ETHE1: variants seen among roughly 807,000 people sequenced by gnomAD.
ETHE1 encodes persulfide dioxygenase ETHE1, mitochondrial.
Under a neutral mutation model 25.7 loss-of-function variants are expected in ETHE1, and 16 were observed. The observed-to-expected ratio is 0.62, with a 90% CI of 0.42 to 0.95. ETHE1 has a LOEUF of 0.95. ETHE1 is among the 40% of genes least tolerant of loss of function. The pLI, the probability that ETHE1 is intolerant of heterozygous loss-of-function variation, is 0.00. For synonymous variants in ETHE1, 139 were observed against 135.9 expected (o/e 1.02, Z -0.16); for missense variants, 300 against 333.6 (o/e 0.90, Z 0.79).
At chr19:43,513,757 T>C (rs1244801618) in intron 3 of ETHE1, among the ~76,000 whole-genome samples, 1 of 151,206 alleles carries the variant, frequency 6.6e-6, no homozygotes, top group Non-Finnish European at 1.5e-5. Flanking sequence ...AATCTCACTC[T>C]GTCACCCAGG....
Position 43,506,821 on chromosome 19 carries a change from G to A in ETHE1, c.*29C>T. On this transcript the variant is annotated 3_prime_UTR_variant, in exon 7 of 7. Coordinates refer to ENST00000292147, the MANE Select transcript of ETHE1 (RefSeq NM_014297.5). ...TCTCCTCCCACCTAGTGCATTAATAGTGGATGGGAGCATCTGACAGAAGTG... is the reference window on the plus strand; with the variant it reads ...TCTCCTCCCACCTAGTGCATTAATAATGGATGGGAGCATCTGACAGAAGTG... 1 of 1,605,522 alleles carries A rather than the reference G, an allele frequency of 6.2e-7. No homozygotes were observed. The highest frequency in any genetic ancestry group is 8.5e-7 in the Non-Finnish European group (1 of 1,173,082).
chr19:43,518,246 G>A (rs983342654), intron 3 of ETHE1, among the ~76,000 whole-genome samples: 11 of 151,964 alleles, frequency 7.2e-5, no homozygotes, highest in Admixed American at 1.3e-4. Flanking sequence ...GCTGGGCACC[G>A]TGGCTCACAC....
intron 4 of ETHE1, 139 bp downstream of exon 4, chr19:43,511,298 G>A (rs1971909791): frequency 1.5e-6 from 2 of 1,334,772 alleles, no homozygotes; most frequent in Non-Finnish European, 1.0e-6. Flanking sequence ...CACTGTTCTA[G>A]CAGGTAAACT....
chr19:43,525,801 T>C, intron 3 of ETHE1: 1 of 297,822 alleles, frequency 3.4e-6, no homozygotes, highest in East Asian at 9.2e-5. Context: ...CTCCGGGTTC[T>C]AAGCACCCAG....
chr19:43,525,646 C>G (rs1972227816), intron 3 of ETHE1: 1 of 160,948 alleles, frequency 6.2e-6, no homozygotes, highest in Admixed American at 5.9e-5. Flanking sequence ...AACGGCAGGG[C>G]TAGGACTAGG....
rs750511915 is a variant in ETHE1 at position 43,506,866 on chromosome 19, T to C, written c.749A>G (p.Gln250Arg). 1 of 1,613,572 alleles carries C rather than the reference T, an allele frequency of 6.2e-7. No individual in the cohort carries two copies. The highest frequency in any genetic ancestry group is 1.7e-5 in the Admixed American group (1 of 59,988). ...AVPANMRCGV[Q>R]TPTA ...GAAGTGAGATCAGGCAGTGGGTGTC[T>C]GCACCCCACAGCGCATGTTGGCTGG... is the stretch of plus-strand genomic sequence containing the variant. The change falls in exon 7 of 7, where the codon CAG becomes CGG. Residue 250 changes from glutamine (Q) to arginine (R), a missense_variant. Coordinates refer to ENST00000292147, the MANE Select transcript of ETHE1 (RefSeq NM_014297.5).
chr19:43,515,222 C>G (rs1005733830), intron 3 of ETHE1, among the ~76,000 whole-genome samples: 13 of 151,882 alleles, frequency 8.6e-5, no homozygotes, highest in Non-Finnish European at 1.9e-4. Context: ...TTCGAGACCA[C>G]CCCGGCCAAT....
chr19:43,510,758 C>T (rs914103671), intron 4 of ETHE1, among the ~76,000 whole-genome samples: 1 of 152,024 alleles, frequency 6.6e-6, no homozygotes, highest in African/African-American at 2.4e-5. Context: ...AACAGCTAAG[C>T]CCCTGAATCT....
At chr19:43,526,027 C>T in intron 3 of ETHE1, 174 bp downstream of exon 3, 1 of 890,182 alleles carries the variant, frequency 1.1e-6, no homozygotes, top group East Asian at 2.6e-5. Flanking sequence ...GCCCCAGTGC[C>T]CCACCTGGGT....
intron 3 of ETHE1, among the ~76,000 whole-genome samples, chr19:43,514,166 T>C (rs1233771248): frequency 6.6e-6 from 1 of 152,098 alleles, no homozygotes; most frequent in Non-Finnish European, 1.5e-5. Flanking sequence ...ATGGTTTGGC[T>C]GTGTCCCCAC....
intron 3 of ETHE1, among the ~76,000 whole-genome samples, chr19:43,524,464 G>A (rs983292781): frequency 2.6e-4 from 39 of 151,834 alleles, no homozygotes; most frequent in African/African-American, 8.7e-4. Context: ...GCTAAGGGGT[G>A]TGGGGTCTTT....
At chr19:43,512,496 AG>A (rs1366715030) in intron 3 of ETHE1, among the ~76,000 whole-genome samples, 1 of 152,180 alleles carries the variant, frequency 6.6e-6, no homozygotes, top group Admixed American at 6.5e-5. Context: ...CCTGCCCTAG[AG>A]ATCTGTGGAA....
At chr19:43,522,639 G>A (rs974256493) in intron 3 of ETHE1, among the ~76,000 whole-genome samples, 2 of 151,844 alleles carry the variant, frequency 1.3e-5, no homozygotes, top group African/African-American at 2.4e-5. Context: ...ACCCCACCAC[G>A]CCCAGCTTAT....
rs71336873 is a variant in ETHE1 at position 43,517,775 on chromosome 19, C to CA, written c.376-6210dup. ...TGGGTGACAGAGTGAGACTCCGCCTCAAAAAAAAAAAAAAAATTAGCCAAG... is the reference window on the plus strand; with the variant it reads ...TGGGTGACAGAGTGAGACTCCGCCTCAAAAAAAAAAAAAAAAATTAGCCAAG... On this transcript the variant is annotated intron_variant, in intron 3 of 6. Transcript: ENST00000292147. Among the ~76,000 whole-genome samples the CA allele has an allele frequency of 8.8e-3, 967 of 109,916 alleles. 6 individuals carry two copies. The highest frequency in any genetic ancestry group is 0.021 in the African/African-American group (621 of 29,094). 72.1% of individuals were successfully genotyped at this position (109,916 alleles called of 152,430 possible).
chr19:43,526,440 G>C, intron 2 of ETHE1, 75 bp downstream of exon 2: 2 of 1,602,014 alleles, frequency 1.2e-6, no homozygotes, highest in South Asian at 2.2e-5. Context: ...CAGGAGTTCT[G>C]GGCCCCAGCT....
Position 43,508,777 on chromosome 19 carries a change from T to C in ETHE1, c.593A>G (p.His198Arg), listed in dbSNP as rs760268446. 2 of 1,600,622 alleles carry C rather than the reference T, an allele frequency of 1.2e-6. No individual in the cohort carries two copies. The highest frequency in any genetic ancestry group is 1.1e-5 in the South Asian group (1 of 88,212). The change falls in exon 5 of 7, where the codon CAT becomes CGT. Residue 198 changes from histidine (H) to arginine (R), a missense_variant and splice_region_variant. Physicochemically the swap from His to Arg is conservative, Grantham distance 29. Coordinates refer to ENST00000292147, the MANE Select transcript of ETHE1 (RefSeq NM_014297.5). ...CACCTCTTCCAGGAAGCCCTCACCA[T>C]GGTAATCGTGAGCAGGGTAGATCAG... is the stretch of plus-strand genomic sequence containing the variant. ...DCLIYPAHDY[H>R]GFTVSTVEEE...
intron 3 of ETHE1, among the ~76,000 whole-genome samples, chr19:43,524,506 G>A (rs1286500223): frequency 6.6e-6 from 1 of 152,030 alleles, no homozygotes; most frequent in Non-Finnish European, 1.5e-5. Context: ...CCAATTAATG[G>A]TAGTAATGGA....
chr19:43,517,508 C>T (rs988284848), intron 3 of ETHE1, among the ~76,000 whole-genome samples: 1 of 148,940 alleles, frequency 6.7e-6, no homozygotes, highest in Non-Finnish European at 1.5e-5. Context: ...AAGCCAGGCA[C>T]GGTGGCTCGC....
Position 43,527,196 on chromosome 19 carries a change from A to C in ETHE1, c.-19T>G, listed in dbSNP as rs1257405680. Reference sequence around the variant, plus strand: ...CCGCCATCGCGCCCACTGCGGGGTCAGGAATGAGCGGAGGCCGAGCGCCTG... The same window carrying C: ...CCGCCATCGCGCCCACTGCGGGGTCCGGAATGAGCGGAGGCCGAGCGCCTG... On this transcript the variant is annotated 5_prime_UTR_variant, in exon 1 of 7. Transcript: ENST00000292147. 3 of 1,534,598 alleles carry C rather than the reference A, an allele frequency of 2.0e-6. No individual in the cohort carries two copies. In the South Asian group the frequency reaches 3.6e-5, roughly 18 times the overall value.
Sources: gnomAD v4.1 joint callset for allele counts (sites outside exome capture counted in the v4.1 genomes callset) on GRCh38, gnomAD v4.1.1 for gene constraint, MANE v1.5 for transcripts, NCBI Gene and HGNC (gene_info 2026-07-23, HGNC 2026-07-21) for gene names.